Variants in RAB39A observed in about 807,000 individuals in gnomAD.
RAB39A encodes the protein ras-related protein Rab-39A.
Under a neutral mutation model 20.9 loss-of-function variants are expected in RAB39A, and 17 were observed. The observed-to-expected ratio is 0.81, with a 90% CI of 0.56 to 1.22. The LOEUF (loss-of-function observed/expected upper bound fraction) is 1.22, where lower values mean the gene tolerates loss of function less well. Among genes scored for constraint, RAB39A ranks in the 50% most tolerant of loss-of-function variants. RAB39A has a pLI of 0.00. For synonymous variants in RAB39A, 99 were observed against 103.4 expected, an observed-to-expected ratio of 0.96 and a Z score of 0.26; for missense variants, 234 against 270.5, an observed-to-expected ratio of 0.87 and a Z score of 0.95.
Position 107,928,823 on chromosome 11 carries a change from G to T in RAB39A, c.227+28G>T, listed in dbSNP as rs184082694. ...AGGGACCCCGGGGACCTTGGGCACC[G>T]CGCCGCCCCCTCAGCCCGCCCGGAC... On this transcript the variant is annotated intron_variant, in intron 1 of 1. Coordinates refer to ENST00000320578, the MANE Select transcript of RAB39A (RefSeq NM_017516.3). This position sits in a 1 kb window ranked among gnomAD's most constrained non-coding sequence, Gnocchi z 4.9. 6.8e-7 allele frequency: 1 copy of T among 1,475,294 alleles called. No individual in the cohort carries two copies. The allele number at this position is 1,475,294 out of a possible 1,614,324, so 91.4% of individuals were successfully genotyped here.
At chr11:107,959,678 G>A (rs1861475853) in intron 1 of RAB39A, among the ~76,000 whole-genome samples, 1 of 152,148 alleles carries the variant, frequency 6.6e-6, no homozygotes. Context: ...AAAATGGTTT[G>A]CACTCCCACA....
At position 107,928,671 on chromosome 11, in the gene RAB39A, G is replaced by T. The variant is rs1310071256; in HGVS notation, c.103G>T (p.Gly35Trp). 2 of 1,612,404 alleles carry T rather than the reference G, an allele frequency of 1.2e-6. No homozygotes were observed. The highest frequency in any genetic ancestry group is 1.7e-6 in the Non-Finnish European group (2 of 1,179,094). ...LHRFTQGRFPGLRSPACDPTV... is the reference protein window; with the variant it reads ...LHRFTQGRFPWLRSPACDPTV... ...CCGCTTCACCCAGGGCCGCTTCCCC[G>T]GGCTGCGCTCCCCCGCCTGCGACCC... The change falls in exon 1 of 2, where the codon GGG becomes TGG. Residue 35 changes from glycine to tryptophan, a missense_variant. Transcript: ENST00000320578. The surrounding 1 kb of genome is among the most constrained non-coding windows in gnomAD (Gnocchi z 4.9).
chr11:107,951,615 A>ATTT (rs4028253), intron 1 of RAB39A, among the ~76,000 whole-genome samples: 29,955 of 105,206 alleles, frequency 0.28, 3,814 homozygotes, highest in East Asian at 0.45. Context: ...CCATTTTCAG[A>ATTT]TTTTTTTTTT....
At chr11:107,955,635 T>A (rs1327061230) in intron 1 of RAB39A, among the ~76,000 whole-genome samples, 2 of 151,914 alleles carry the variant, frequency 1.3e-5, no homozygotes, top group African/African-American at 4.8e-5. Context: ...GGTTGGGAGG[T>A]CGAGACCAGC....
chr11:107,941,935 C>T (rs778365248), intron 1 of RAB39A, among the ~76,000 whole-genome samples: 5 of 151,658 alleles, frequency 3.3e-5, no homozygotes, highest in Non-Finnish European at 7.4e-5. Context: ...CCTGTCTCTA[C>T]TGAAAATACA....
intron 1 of RAB39A, among the ~76,000 whole-genome samples, chr11:107,946,448 A>T (rs1320125466): frequency 2.9e-5 from 2 of 70,118 alleles, no homozygotes; most frequent in Non-Finnish European, 5.3e-5. Context: ...ATATATATAT[A>T]TATATATATA....
intron 1 of RAB39A, among the ~76,000 whole-genome samples, chr11:107,932,719 T>G (rs991727844): frequency 5.3e-5 from 8 of 152,184 alleles, no homozygotes; most frequent in African/African-American, 1.7e-4. Flanking sequence ...ATTTTGGTTT[T>G]GTTTTGTTTT....
chr11:107,945,111 G>C (rs1861295468), intron 1 of RAB39A, among the ~76,000 whole-genome samples: 1 of 151,650 alleles, frequency 6.6e-6, no homozygotes, highest in Admixed American at 6.6e-5. Context: ...TGAACCCCAG[G>C]GGGCGGAGGT....
chr11:107,960,649 T>C (rs1478674540), intron 1 of RAB39A, among the ~76,000 whole-genome samples: 1 of 152,122 alleles, frequency 6.6e-6, no homozygotes, highest in Non-Finnish European at 1.5e-5. Flanking sequence ...AGGATACTAA[T>C]AAAGGATGGT....
At chr11:107,945,919 C>T (rs1477025128) in intron 1 of RAB39A, among the ~76,000 whole-genome samples, 1 of 152,042 alleles carries the variant, frequency 6.6e-6, no homozygotes, top group Non-Finnish European at 1.5e-5. Context: ...ACTGTCTAGC[C>T]CCCTTTCTCC....
At chr11:107,939,275 G>A (rs764010482) in intron 1 of RAB39A, among the ~76,000 whole-genome samples, 1 of 140,878 alleles carries the variant, frequency 7.1e-6, no homozygotes, top group African/African-American at 2.6e-5. Flanking sequence ...AGAGAGAGAA[G>A]TAGTTGAACA....
chr11:107,931,156 A>G (rs1861133461), intron 1 of RAB39A, among the ~76,000 whole-genome samples: 1 of 151,862 alleles, frequency 6.6e-6, no homozygotes, highest in African/African-American at 2.4e-5. Flanking sequence ...TTGTATTTTT[A>G]GTAGAGACGG....
intron 1 of RAB39A, among the ~76,000 whole-genome samples, chr11:107,935,038 G>T (rs1271670907): frequency 2.6e-5 from 4 of 151,002 alleles, no homozygotes; most frequent in Non-Finnish European, 5.9e-5. Flanking sequence ...GCCTTTGCCT[G>T]CCTCTCCATG....
At chr11:107,948,877 T>C (rs373270158) in intron 1 of RAB39A, among the ~76,000 whole-genome samples, 8 of 152,356 alleles carry the variant, frequency 5.3e-5, no homozygotes, top group African/African-American at 1.9e-4. Context: ...ACCATGTAGA[T>C]ACTTTTCGTT....
chr11:107,959,655 AG>A lies in RAB39A; in HGVS notation c.228-2290del, dbSNP rs143144037. Among the ~76,000 whole-genome samples the A allele has an allele frequency of 4.7e-3, 697 of 147,390 alleles. 4 individuals carry two copies. The highest frequency in any genetic ancestry group is 0.016 in the African/African-American group (660 of 41,164). On this transcript the variant is annotated intron_variant, in intron 1 of 1. Transcript: ENST00000320578. Reference sequence around the variant, plus strand: ...AAACAGGGAAGCAGGAGAAATAGAAAGAAAGAGGAGGTAAAATGGTTTGCAC... The same window carrying A: ...AAACAGGGAAGCAGGAGAAATAGAAAAAAGAGGAGGTAAAATGGTTTGCAC...
chr11:107,959,927 CAA>C (rs762641807), intron 1 of RAB39A, among the ~76,000 whole-genome samples: 2 of 152,102 alleles, frequency 1.3e-5, no homozygotes, highest in Non-Finnish European at 2.9e-5. Flanking sequence ...TTAATTAATC[CAA>C]TATTGGCCGC....
chr11:107,931,161 A>G (rs959175221), intron 1 of RAB39A, among the ~76,000 whole-genome samples: 1 of 152,018 alleles, frequency 6.6e-6, no homozygotes, highest in African/African-American at 2.4e-5. Flanking sequence ...TTTTTAGTAG[A>G]GACGGGGATT....
At chr11:107,956,860 CA>C (rs2134973416) in intron 1 of RAB39A, among the ~76,000 whole-genome samples, 1 of 151,992 alleles carries the variant, frequency 6.6e-6, no homozygotes, top group East Asian at 1.9e-4. Flanking sequence ...TCCAAGAGAA[CA>C]ATTATAATGA....
chr11:107,940,813 T>C (rs1861251140), intron 1 of RAB39A, among the ~76,000 whole-genome samples: 1 of 151,772 alleles, frequency 6.6e-6, no homozygotes, highest in Non-Finnish European at 1.5e-5. Context: ...TCTACTAAAA[T>C]ACAAAAAATT....
Sources: allele counts gnomAD v4.1 joint callset (sites outside exome capture counted in the v4.1 genomes callset), GRCh38; gene constraint gnomAD v4.1.1; non-coding constraint Gnocchi (gnomAD v3.1); transcripts MANE v1.5; gene names NCBI Gene and HGNC (gene_info 2026-07-23, HGNC 2026-07-21).